SHISA9: variants seen among roughly 807,000 people sequenced by gnomAD.
SHISA9 encodes shisa family member 9, also known as protein shisa-9.
In SHISA9, 13 loss-of-function variants were observed where a neutral mutation model predicts 38.0. That is an observed-to-expected ratio of 0.34 (90% CI 0.22 to 0.54). SHISA9 has a LOEUF of 0.54. SHISA9 is among the 20% of genes least tolerant of loss of function. The probability of loss-of-function intolerance (pLI) is 0.91; values close to 1 mark genes in which losing one functional copy is unlikely to be tolerated. For missense variants in SHISA9, 538 were observed against 575.8 expected (o/e 0.93, Z 0.67); for synonymous variants, 275 against 242.0 (o/e 1.14, Z -1.27).
intron 2 of SHISA9, among the ~76,000 whole-genome samples, chr16:13,060,789 C>A (rs1251700209): frequency 6.6e-6 from 1 of 152,190 alleles, no homozygotes; most frequent in African/African-American, 2.4e-5. Context: ...TTAAAATTAT[C>A]TCCTGGGTAG....
the SHISA9 span, among the ~76,000 whole-genome samples, chr16:13,317,749 T>A: frequency 6.6e-6 from 1 of 152,216 alleles, no homozygotes; most frequent in African/African-American, 2.4e-5. Flanking sequence ...TTGGCAACCA[T>A]CTGTCCCTTC....
chr16:13,441,293 T>C, the SHISA9 span, among the ~76,000 whole-genome samples: 4 of 152,218 alleles, frequency 2.6e-5, no homozygotes, highest in Non-Finnish European at 5.9e-5. Flanking sequence ...CTTTCCTCAC[T>C]GTCAGGAGGT....
intron 4 of SHISA9, among the ~76,000 whole-genome samples, chr16:13,219,000 A>G (rs1027304864): frequency 6.6e-6 from 1 of 152,204 alleles, no homozygotes; most frequent in Non-Finnish European, 1.5e-5. Flanking sequence ...GGTGGAAGAC[A>G]GGAGGGTGAT....
intron 2 of SHISA9, among the ~76,000 whole-genome samples, chr16:13,187,761 A>G (rs946133998): frequency 6.6e-6 from 1 of 152,186 alleles, no homozygotes; most frequent in East Asian, 1.9e-4. Flanking sequence ...TCAAAGCAAA[A>G]TGGGGAGATT....
At chr16:12,905,383 C>A (rs961358354) in intron 1 of SHISA9, among the ~76,000 whole-genome samples, 3 of 151,990 alleles carry the variant, frequency 2.0e-5, no homozygotes, top group African/African-American at 7.3e-5. Flanking sequence ...TTCTTGAGTT[C>A]TATCCACAGA....
chr16:13,119,631 CTCTT>C (rs2074066132), intron 2 of SHISA9, among the ~76,000 whole-genome samples: 1 of 152,130 alleles, frequency 6.6e-6, no homozygotes, highest in Non-Finnish European at 1.5e-5. Flanking sequence ...TAAGCTGTCA[CTCTT>C]TATAGTACCT....
In SHISA9 at chr16:13,190,054, T is replaced by C. The variant is rs547979745; in HGVS notation, c.692-13340T>C. On this transcript the variant is annotated intron_variant, in intron 2 of 4. Coordinates refer to ENST00000558583, the MANE Select transcript of SHISA9 (RefSeq NM_001145204.3). ...ATCTCATTAAATTGGATGAAGTGGCTGCTGTGGGCATAAAACACCCTTTAG... is the reference window on the plus strand; with the variant it reads ...ATCTCATTAAATTGGATGAAGTGGCCGCTGTGGGCATAAAACACCCTTTAG... 3.4e-3 allele frequency among the ~76,000 whole-genome samples: 511 copies of C among 150,426 alleles called. 3 individuals carry two copies. Among genetic ancestry groups the C allele is most frequent in the African/African-American group, 0.012 (479 of 40,894 alleles).
At chr16:13,200,193 C>T (rs1596725638) in intron 2 of SHISA9, among the ~76,000 whole-genome samples, 1 of 152,122 alleles carries the variant, frequency 6.6e-6, no homozygotes, top group South Asian at 2.1e-4. Context: ...TGTTCTCTAA[C>T]TCCCCCATCC....
At chr16:13,336,091 G>A in the SHISA9 span, among the ~76,000 whole-genome samples, 1 of 152,170 alleles carries the variant, frequency 6.6e-6, no homozygotes, top group Non-Finnish European at 1.5e-5. Context: ...CCTCACATCA[G>A]AAGTCCCGTG....
At chr16:13,310,011 C>T in the SHISA9 span, among the ~76,000 whole-genome samples, 1 of 152,134 alleles carries the variant, frequency 6.6e-6, no homozygotes, top group Admixed American at 6.5e-5. Context: ...CCTCAGCCCT[C>T]AAAGTAGGTG....
the SHISA9 span, among the ~76,000 whole-genome samples, chr16:13,461,035 T>C: frequency 4.6e-5 from 7 of 152,222 alleles, no homozygotes; most frequent in Non-Finnish European, 7.3e-5. Flanking sequence ...ATGTCATTTA[T>C]CCAATAGACA....
At chr16:13,253,260 G>T in the SHISA9 span, among the ~76,000 whole-genome samples, 2 of 152,138 alleles carry the variant, frequency 1.3e-5, no homozygotes, top group South Asian at 4.1e-4. Flanking sequence ...GCAGATTTTT[G>T]ACTGTGTGGG....
chr16:12,953,307 G>A (rs139928211), intron 2 of SHISA9, among the ~76,000 whole-genome samples: 20 of 152,278 alleles, frequency 1.3e-4, no homozygotes, highest in Admixed American at 1.2e-3. Context: ...GCATTGTTTG[G>A]AGTGCTTTGC....
At chr16:12,917,059 C>G (rs1242010854) in intron 2 of SHISA9, among the ~76,000 whole-genome samples, 2 of 152,216 alleles carry the variant, frequency 1.3e-5, no homozygotes, top group Non-Finnish European at 2.9e-5. Context: ...AGCTAGCAGA[C>G]TGCTCGACTG....
At chr16:12,929,352 C>T (rs1478365610) in intron 2 of SHISA9, among the ~76,000 whole-genome samples, 2 of 152,094 alleles carry the variant, frequency 1.3e-5, no homozygotes, top group Admixed American at 6.5e-5. Flanking sequence ...ATGTTCATCG[C>T]AGCAATATTC....
chr16:13,036,172 A>T (rs2073059436), intron 2 of SHISA9, among the ~76,000 whole-genome samples: 2 of 152,230 alleles, frequency 1.3e-5, no homozygotes, highest in Admixed American at 6.5e-5. Context: ...AAATGTCCGC[A>T]CAAAGTCTTG....
chr16:13,150,012 C>T (rs941876772), intron 2 of SHISA9, among the ~76,000 whole-genome samples: 1 of 121,058 alleles, frequency 8.3e-6, no homozygotes. Flanking sequence ...GCTCAATGGT[C>T]ATTATCATCC....
the SHISA9 span, among the ~76,000 whole-genome samples, chr16:13,519,375 T>C: frequency 5.9e-5 from 9 of 152,182 alleles, no homozygotes; most frequent in African/African-American, 1.2e-4. Flanking sequence ...GAGATGTGAA[T>C]TGATGAATGA....
chr16:13,133,616 G>A (rs2050323651), intron 2 of SHISA9, among the ~76,000 whole-genome samples: 1 of 152,144 alleles, frequency 6.6e-6, no homozygotes, highest in Non-Finnish European at 1.5e-5. Flanking sequence ...TTTCCTGAAT[G>A]CCAGTCCCCT....
Sources: gnomAD v4.1 joint callset for allele counts (sites outside exome capture counted in the v4.1 genomes callset) on GRCh38, gnomAD v4.1.1 for gene constraint, MANE v1.5 for transcripts, NCBI Gene and HGNC (gene_info 2026-07-23, HGNC 2026-07-21) for gene names.